The following ARHGAP22 variants were observed in gnomAD, a reference collection of about 807,000 sequenced individuals.
ARHGAP22 encodes rho GTPase-activating protein 22.
In ARHGAP22, 48 loss-of-function variants were observed where a neutral mutation model predicts 59.1. The observed-to-expected ratio is 0.81, with a 90% CI of 0.64 to 1.03. The LOEUF (loss-of-function observed/expected upper bound fraction) is 1.03. Ranked by LOEUF, ARHGAP22 falls within the 50% of genes least tolerant of loss-of-function variation. ARHGAP22 has a pLI of 0.00. For synonymous variants in ARHGAP22, 445 were observed against 416.4 expected (o/e 1.07, Z -0.84); for missense variants, 1,015 against 958.7 (o/e 1.06, Z -0.78).
chr10:48,485,205 G>T (rs915027604), intron 3 of ARHGAP22, among the ~76,000 whole-genome samples: 1 of 152,004 alleles, frequency 6.6e-6, no homozygotes, highest in Admixed American at 6.6e-5. Context: ...CTTACCTTGG[G>T]TTTAATTTGG....
At chr10:48,474,447 A>T (rs547381078) in intron 4 of ARHGAP22, among the ~76,000 whole-genome samples, 1 of 152,176 alleles carries the variant, frequency 6.6e-6, no homozygotes, top group African/African-American at 2.4e-5. Flanking sequence ...TGCATAATTG[A>T]CCTGGCTAGA....
At chr10:48,547,001 C>A (rs1396398558) in intron 3 of ARHGAP22, among the ~76,000 whole-genome samples, 1 of 152,192 alleles carries the variant, frequency 6.6e-6, no homozygotes, top group Non-Finnish European at 1.5e-5. Flanking sequence ...CCCACACAGT[C>A]CCTGAGTAGC....
At chr10:48,480,213 G>T (rs1392338148) in intron 3 of ARHGAP22, among the ~76,000 whole-genome samples, 1 of 152,114 alleles carries the variant, frequency 6.6e-6, no homozygotes. Context: ...CTGAAGACAA[G>T]AGTCTCCGTA....
At chr10:48,538,773 A>G (rs2055616168) in intron 3 of ARHGAP22, among the ~76,000 whole-genome samples, 1 of 152,196 alleles carries the variant, frequency 6.6e-6, no homozygotes, top group Admixed American at 6.5e-5. Context: ...TGCCTCCATC[A>G]TGATAGAAAT....
At chr10:48,431,630 A>G in the ARHGAP22 span, among the ~76,000 whole-genome samples, 1 of 152,220 alleles carries the variant, frequency 6.6e-6, no homozygotes, top group Non-Finnish European at 1.5e-5. Context: ...TCACTGCAAA[A>G]TTTAGTACAT....
At chr10:48,635,734 C>T (rs944874067) in intron 1 of ARHGAP22, among the ~76,000 whole-genome samples, 1 of 152,234 alleles carries the variant, frequency 6.6e-6, no homozygotes, top group Non-Finnish European at 1.5e-5. Flanking sequence ...TGGTGTCACT[C>T]TTTGCCCCAT....
chr10:48,568,457 A>G (rs144366483), intron 2 of ARHGAP22, among the ~76,000 whole-genome samples: 94 of 152,296 alleles, frequency 6.2e-4, no homozygotes, highest in African/African-American at 1.9e-3. Flanking sequence ...TAAGGGGGAA[A>G]CTCAGATGAG....
chr10:48,560,967 G>A (rs1332504215), intron 2 of ARHGAP22, among the ~76,000 whole-genome samples: 1 of 151,936 alleles, frequency 6.6e-6, no homozygotes, highest in Non-Finnish European at 1.5e-5. Context: ...TCTTTGTCTT[G>A]TAATGTCTTT....
intron 4 of ARHGAP22, among the ~76,000 whole-genome samples, chr10:48,473,158 G>A (rs2048381537): frequency 6.6e-6 from 1 of 152,172 alleles, no homozygotes; most frequent in Non-Finnish European, 1.5e-5. Flanking sequence ...AATATTATTT[G>A]AGCTTAAAAA....
chr10:48,631,072 G>A (rs972851416), intron 1 of ARHGAP22, among the ~76,000 whole-genome samples: 1 of 152,126 alleles, frequency 6.6e-6, no homozygotes, highest in Non-Finnish European at 1.5e-5. Flanking sequence ...GATGTGGTGG[G>A]TTACCACATT....
chr10:48,528,387 T>C (rs943040717), intron 3 of ARHGAP22, among the ~76,000 whole-genome samples: 10 of 152,186 alleles, frequency 6.6e-5, no homozygotes, highest in Admixed American at 4.6e-4. Flanking sequence ...ATTCTTTCCT[T>C]CACTCATGTA....
intron 1 of ARHGAP22, among the ~76,000 whole-genome samples, chr10:48,583,937 C>T (rs781727713): frequency 4.9e-4 from 74 of 152,288 alleles, no homozygotes; most frequent in Non-Finnish European, 6.3e-4. Context: ...CACACCCCAC[C>T]GAGGTTGGTG....
rs1022797552 is a variant in ARHGAP22 at position 48,611,148 on chromosome 10, G to A, written c.53-27996C>T. ...GTAAAGTCTGTGGGTTTCTCACAAG[G>A]GGAAGCTTGTATTAGAGTGAGTGTG... On this transcript the variant is annotated intron_variant, in intron 1 of 9. Transcript: ENST00000435790. Among the ~76,000 whole-genome samples, 19 of 152,292 alleles carry A rather than the reference G, an allele frequency of 1.2e-4. No homozygotes were observed. In the East Asian group the frequency reaches 2.3e-3, roughly 19 times the overall value.
chr10:48,611,859 C>CCCTTCCCCTCCCT (rs1564997976), intron 1 of ARHGAP22, among the ~76,000 whole-genome samples: 1 of 15,372 alleles, frequency 6.5e-5, no homozygotes, highest in African/African-American at 2.8e-4. Context: ...TTCCCTTCCC[C>CCCTTCCCCTCCCT]TCCCCTCCCC....
intron 4 of ARHGAP22, among the ~76,000 whole-genome samples, chr10:48,467,249 A>G (rs913881988): frequency 1.9e-4 from 29 of 152,138 alleles, no homozygotes; most frequent in African/African-American, 7.0e-4. Context: ...CTGGTGATGG[A>G]CCTTCATTAA....
intron 1 of ARHGAP22, among the ~76,000 whole-genome samples, chr10:48,601,629 T>C (rs2060389736): frequency 1.3e-5 from 2 of 152,244 alleles, no homozygotes; most frequent in Non-Finnish European, 2.9e-5. Flanking sequence ...CAATTAGTTA[T>C]ATTAAAATTT....
At chr10:48,457,296 C>T (rs1006272168) in intron 5 of ARHGAP22, among the ~76,000 whole-genome samples, 1 of 152,184 alleles carries the variant, frequency 6.6e-6, no homozygotes, top group African/African-American at 2.4e-5. Context: ...ACCTGCCCCC[C>T]AGCCGGGCCG....
chr10:48,591,785 G>T (rs1197254005), intron 1 of ARHGAP22, among the ~76,000 whole-genome samples: 1 of 152,042 alleles, frequency 6.6e-6, no homozygotes, highest in Non-Finnish European at 1.5e-5. Context: ...GAGGTGGGAG[G>T]ATTCCTTGAG....
rs2058129051 is a variant in ARHGAP22, at chr10:48,567,617, A to C, written c.235-12067T>G. On this transcript the variant is annotated intron_variant, in intron 2 of 9. Transcript: ENST00000249601. ...TCAAATCTCCATGGGCTGCTCTCTG[A>C]GTGTCCTTTGTGCTTAGGTTGGGGC... Among the ~76,000 whole-genome samples the C allele has an allele frequency of 2.0e-5, 3 of 152,166 alleles. No homozygotes were observed. The South Asian group carries it at 6.2e-4, about 32-fold the overall frequency.
Sources: gnomAD v4.1 joint callset for allele counts (sites outside exome capture counted in the v4.1 genomes callset) on GRCh38, gnomAD v4.1.1 for gene constraint, MANE v1.5 for transcripts, NCBI Gene and HGNC (gene_info 2026-07-23, HGNC 2026-07-21) for gene names.